The following ZMYM6 variants were observed in gnomAD, a reference collection of about 807,000 sequenced individuals.
ZMYM6 encodes zinc finger MYM-type protein 6.
ZMYM6 carries 90 observed loss-of-function variants against 134.0 expected under a neutral mutation model. The observed-to-expected ratio is 0.67, with a 90% confidence interval of 0.57 to 0.80. The LOEUF (loss-of-function observed/expected upper bound fraction) is 0.80, where lower values mean the gene tolerates loss of function less well. ZMYM6 is among the 30% of genes least tolerant of loss of function. The pLI is 0.00. For missense variants in ZMYM6, 1,362 were observed against 1,533.9 expected, an observed-to-expected ratio of 0.89 and a Z score of 1.87; for synonymous variants, 481 against 524.1, an observed-to-expected ratio of 0.92 and a Z score of 1.12.
rs1323053826 is a variant in ZMYM6, at chr1:34,986,407, C to T, written c.*697G>A. Reference sequence around the variant, plus strand: ...CTGCTTCCATTTATAGTTACCCAAGCTGCTTAGATCTATCTTTTTCCAGCT... The same window carrying T: ...CTGCTTCCATTTATAGTTACCCAAGTTGCTTAGATCTATCTTTTTCCAGCT... On this transcript the variant is annotated 3_prime_UTR_variant, in exon 16 of 16. Transcript: ENST00000357182. 1 of 152,190 alleles carries T rather than the reference C, an allele frequency of 6.6e-6. No homozygotes were observed. Among genetic ancestry groups the T allele is most frequent in the Non-Finnish European group, 1.5e-5 (1 of 68,052 alleles). The allele number at this position is 152,190 out of a possible 1,614,324, so 9.4% of individuals were successfully genotyped here. A position where few individuals can be genotyped will look rare whatever the true frequency, so the allele number is the denominator to read the frequency against.
rs757687642 is a variant in ZMYM6, at chr1:35,016,097, C to A, written c.429-935G>T. Among the ~76,000 whole-genome samples, 3 of 151,792 alleles carry A rather than the reference C, an allele frequency of 2.0e-5. No individual in the cohort carries two copies. The South Asian group carries it at 6.2e-4, about 32-fold the overall frequency. ...GGTTCGAGTAGCTGGGACACCAGCA[C>A]GTGCCACCATGCCAGGCTAATTTTT... On this transcript the variant is annotated intron_variant, in intron 4 of 15. Transcript: ENST00000357182.
intron 1 of ZMYM6, chr1:35,031,307 C>A (rs967472523): frequency 6.6e-6 from 1 of 152,256 alleles, no homozygotes; most frequent in Non-Finnish European, 1.5e-5. Flanking sequence ...GGGCATCAAG[C>A]CCCTCAGAGC....
chr1:34,994,980 T>C (rs1013108760), intron 14 of ZMYM6, among the ~76,000 whole-genome samples: 4 of 141,998 alleles, frequency 2.8e-5, no homozygotes, highest in African/African-American at 1.1e-4. Flanking sequence ...TATGGATATA[T>C]ACATATCTAT....
Position 34,986,246 on chromosome 1 carries a change from T to G in ZMYM6, c.*858A>C, listed in dbSNP as rs1056399350. On this transcript the variant is annotated 3_prime_UTR_variant, in exon 16 of 16. Coordinates refer to ENST00000357182, the MANE Select transcript of ZMYM6 (RefSeq NM_007167.4). ...TCTATGGCTGCTTTTGCACTGCAAC[T>G]GCAGAATTGAGTAGTTGTGACAGTA... 1.3e-5 allele frequency: 2 copies of G among 152,234 alleles called. No homozygotes were observed. The highest frequency in any genetic ancestry group is 4.8e-5 in the African/African-American group (2 of 41,470). 9.4% of individuals were successfully genotyped at this position (152,234 alleles called of 1,614,324 possible).
Position 34,992,373 on chromosome 1 carries a change from T to G in ZMYM6, c.2007A>C (p.Glu669Asp). ...AKIIQDESTQ[E>D]DAMKFPSSQS... ...GGGAAGATGGAAATTTCATAGCATC[T>G]TCCTGTGTACTTTCCTAGTTAAAAG... is the stretch of plus-strand genomic sequence containing the variant. Residue 669 changes from glutamate to aspartate, a missense_variant, in exon 15 of 16, where the codon GAA becomes GAC. This residue lies in a region of ZMYM6 where 824 missense variants were observed against 940.9 expected (regional missense o/e 0.88). Coordinates refer to ENST00000357182, the MANE Select transcript of ZMYM6 (RefSeq NM_007167.4). The G allele has an allele frequency of 1.9e-6, 3 of 1,613,878 alleles. No individual in the cohort carries two copies. Among genetic ancestry groups the G allele is most frequent in the Non-Finnish European group, 2.5e-6 (3 of 1,179,862 alleles).
In ZMYM6 at chr1:34,992,217, C is replaced by T. The variant is rs765389288; in HGVS notation, c.2146+17G>A. On this transcript the variant is annotated intron_variant, in intron 15 of 15. Coordinates refer to ENST00000357182, the MANE Select transcript of ZMYM6 (RefSeq NM_007167.4). ...AGAAAACAAGCTTTGTACATGGGAA[C>T]GCACAAGGATACATACCTGTCTGAC... 2.9e-5 allele frequency: 46 copies of T among 1,613,490 alleles called. No homozygotes were observed. Among genetic ancestry groups the T allele is most frequent in the Admixed American group, 2.2e-4 (13 of 59,988 alleles).
chr1:34,996,035 T>C (rs1283571027), intron 14 of ZMYM6, among the ~76,000 whole-genome samples: 4 of 152,200 alleles, frequency 2.6e-5, no homozygotes, highest in Non-Finnish European at 5.9e-5. Context: ...TATTTTACTA[T>C]TATAAACAAT....
Position 34,988,187 on chromosome 1 carries a change from AATAT to A in ZMYM6, c.2891_2894del (p.Tyr964LeufsTer6). 6.5e-7 allele frequency: 1 copy of A among 1,548,752 alleles called. No individual in the cohort carries two copies. The highest frequency in any genetic ancestry group is 1.2e-5 in the South Asian group (1 of 83,348). On this transcript the variant is annotated frameshift_variant, in exon 16 of 16. Transcript: ENST00000357182. LOFTEE classifies it high-confidence loss of function. ...GTTTCCAATTCAGAGATTTACTATC[AATAT>A]ATTTATTTATTAGTTCAAATATTTC...
At chr1:35,000,634 C>T (rs1640864285) in intron 14 of ZMYM6, among the ~76,000 whole-genome samples, 1 of 152,024 alleles carries the variant, frequency 6.6e-6, no homozygotes, top group Admixed American at 6.6e-5. Context: ...CAAAACATTA[C>T]TATAATCAAC....
intron 14 of ZMYM6, among the ~76,000 whole-genome samples, chr1:34,994,328 G>A (rs1640739036): frequency 6.6e-6 from 1 of 152,138 alleles, no homozygotes; most frequent in South Asian, 2.1e-4. Flanking sequence ...CATGGAGGAG[G>A]GGCAATTCTG....
chr1:34,992,580 T>G (rs1400536908), intron 14 of ZMYM6, among the ~76,000 whole-genome samples, 193 bp from the exon 15 acceptor site: 3 of 147,170 alleles, frequency 2.0e-5, no homozygotes, highest in Non-Finnish European at 4.5e-5. Context: ...TTAGTTTAAT[T>G]TACTGATTTT....
chr1:35,020,412 C>T lies in ZMYM6; in HGVS notation c.149G>A (p.Gly50Asp), dbSNP rs527748631. The stretch of plus-strand genomic sequence containing the variant: ...AGGTCTCTCATTAACTGAAGACACA[C>T]CACCAATTTTCAATTTACTTTCTTG... ...KTQESKLKIG[G>D]VSSVNERPIA... The change falls in exon 3 of 16, where the codon GGT becomes GAT. Residue 50 changes from glycine to aspartate, a missense_variant. Physicochemically the swap from Gly to Asp is moderately conservative, Grantham distance 94. Around this residue, in one of 3 missense-constraint regions of ZMYM6, gnomAD observed 503 missense variants for 520.8 expected, o/e 0.97. Transcript: ENST00000357182. 1.9e-6 allele frequency: 3 copies of T among 1,612,644 alleles called. No individual in the cohort carries two copies. The highest frequency in any genetic ancestry group is 1.7e-6 in the Non-Finnish European group (2 of 1,179,606).
rs1641070471 is a variant in ZMYM6, at chr1:35,010,766, AAAG to A, written c.1330_1332del (p.Leu444del). The A allele has an allele frequency of 6.4e-7, 1 of 1,558,796 alleles. No individual in the cohort carries two copies. Among genetic ancestry groups the A allele is most frequent in the Non-Finnish European group, 8.6e-7 (1 of 1,157,690 alleles). On this transcript the variant is annotated inframe_deletion, in exon 9 of 16. Transcript: ENST00000357182. Reference sequence around the variant, plus strand: ...TCATGATCTCTCTTTACCTTGTAAAAAAGAAGTTCTGGTTTTGTGGCAAATAGA... The same window carrying A: ...TCATGATCTCTCTTTACCTTGTAAAAAAGTTCTGGTTTTGTGGCAAATAGA...
intron 13 of ZMYM6, 39 bp downstream of exon 13, chr1:35,005,093 T>G: frequency 1.2e-6 from 2 of 1,611,742 alleles, no homozygotes; most frequent in Non-Finnish European, 1.7e-6. Context: ...CAACACTCAC[T>G]TCTATGGCTT....
intron 14 of ZMYM6, among the ~76,000 whole-genome samples, chr1:35,002,269 GTGTTA>G (rs1370647738): frequency 1.3e-5 from 2 of 152,254 alleles, no homozygotes; most frequent in African/African-American, 4.8e-5. Context: ...TTATTAGCAG[GTGTTA>G]TGTTGTCTTC....
At chr1:35,005,991 C>A (rs1640959179) in intron 12 of ZMYM6, among the ~76,000 whole-genome samples, 1 of 152,172 alleles carries the variant, frequency 6.6e-6, no homozygotes. Flanking sequence ...AGGCTTTGAA[C>A]AGAGAACATA....
intron 15 of ZMYM6, 84 bp from the exon 16 acceptor site, chr1:34,989,019 A>G (rs1020654344): frequency 6.6e-7 from 1 of 1,523,068 alleles, no homozygotes. Flanking sequence ...TTTAAAATTC[A>G]TATTTTGTTA....
chr1:35,028,293 G>A (rs1386451177), intron 2 of ZMYM6, among the ~76,000 whole-genome samples: 1 of 147,994 alleles, frequency 6.8e-6, no homozygotes, highest in East Asian at 2.1e-4. Flanking sequence ...TCCAGCCTGG[G>A]AGTGACAGAG....
intron 2 of ZMYM6, among the ~76,000 whole-genome samples, chr1:35,023,702 A>C (rs1641353072): frequency 6.6e-6 from 1 of 151,496 alleles, no homozygotes; most frequent in South Asian, 2.1e-4. Context: ...GCTCACTACA[A>C]GCTCCGCCTC....
Sources: allele counts gnomAD v4.1 joint callset (sites outside exome capture counted in the v4.1 genomes callset), GRCh38; gene constraint gnomAD v4.1.1; regional missense constraint gnomAD v4.1.1; transcripts MANE v1.5; gene names NCBI Gene and HGNC (gene_info 2026-07-23, HGNC 2026-07-21).